ANK2: variants seen among roughly 807,000 people sequenced by gnomAD.
ANK2 encodes ankyrin-2.
ANK2 carries 83 observed loss-of-function variants against 360.5 expected under a neutral mutation model. That is an observed-to-expected ratio of 0.23 (90% CI 0.19 to 0.28). The LOEUF (loss-of-function observed/expected upper bound fraction) is 0.28, where lower values mean the gene tolerates loss of function less well. ANK2 is among the 10% of genes least tolerant of loss of function. ANK2 has a pLI of 1.00. For synonymous variants in ANK2, 1,740 were observed against 1,759.5 expected (o/e 0.99, Z 0.28); for missense variants, 4,201 against 4,795.7 (o/e 0.88, Z 3.66).
intron 1 of ANK2, among the ~76,000 whole-genome samples, chr4:113,081,355 C>G (rs888695747): frequency 1.3e-5 from 2 of 152,142 alleles, no homozygotes; most frequent in Non-Finnish European, 2.9e-5. Context: ...TCATTCCAGT[C>G]TAACTGTCTT....
intron 45 of ANK2, among the ~76,000 whole-genome samples, chr4:113,377,621 A>G (rs1192163887): frequency 1.3e-5 from 2 of 152,316 alleles, no homozygotes; most frequent in East Asian, 3.9e-4. Flanking sequence ...CCCATAATAT[A>G]TATTGAAATT....
intron 1 of ANK2, among the ~76,000 whole-genome samples, chr4:113,080,969 A>G (rs541821705): frequency 6.6e-6 from 1 of 152,246 alleles, no homozygotes; most frequent in Non-Finnish European, 1.5e-5. Context: ...TCACAAGTGC[A>G]TTGAGACTAC....
intron 22 of ANK2, 106 bp from the exon 23 acceptor site, chr4:113,302,661 C>A: frequency 1.2e-6 from 1 of 864,278 alleles, no homozygotes; most frequent in Non-Finnish European, 1.9e-6. Flanking sequence ...GTAGTCATGG[C>A]TCGATGGCTT....
intron 22 of ANK2, among the ~76,000 whole-genome samples, chr4:113,297,056 A>G (rs1010075755): frequency 1.3e-5 from 2 of 152,320 alleles, no homozygotes; most frequent in South Asian, 2.1e-4. Context: ...ACCTGATGCC[A>G]TAAGTCAGTT....
At chr4:113,030,517 C>A (rs1218681955) in intron 2 of ANK2, among the ~76,000 whole-genome samples, 1 of 151,918 alleles carries the variant, frequency 6.6e-6, no homozygotes, top group Non-Finnish European at 1.5e-5. Context: ...GTTTTAAAAG[C>A]AGAGAATAAA....
intron 1 of ANK2, among the ~76,000 whole-genome samples, chr4:112,849,898 A>G (rs2064242133): frequency 6.6e-6 from 1 of 152,218 alleles, no homozygotes; most frequent in Non-Finnish European, 1.5e-5. Context: ...AGTAAAGAAG[A>G]TCTGCCCTCA....
chr4:113,228,708 T>A (rs1490713366), intron 4 of ANK2, among the ~76,000 whole-genome samples: 1 of 152,018 alleles, frequency 6.6e-6, no homozygotes, highest in East Asian at 1.9e-4. Flanking sequence ...TACCCAGTAG[T>A]CTCCCTTGAT....
chr4:113,228,170 A>AT (rs1460238831), intron 4 of ANK2, among the ~76,000 whole-genome samples: 2 of 151,976 alleles, frequency 1.3e-5, no homozygotes, highest in Non-Finnish European at 2.9e-5. Flanking sequence ...TTCTTCCTTG[A>AT]TTTTTTTTGT....
chr4:113,259,983 C>T (rs1432729300), intron 13 of ANK2, among the ~76,000 whole-genome samples: 4 of 152,070 alleles, frequency 2.6e-5, no homozygotes, highest in Non-Finnish European at 5.9e-5. Context: ...TTCTTATTTG[C>T]ATTCCAATGC....
chr4:113,258,476 G>C, intron 13 of ANK2, 65 bp downstream of exon 13: 2 of 1,460,762 alleles, frequency 1.4e-6, no homozygotes, highest in Non-Finnish European at 1.9e-6. Flanking sequence ...GATTGTGGGT[G>C]TGTGTATGTG....
At chr4:113,192,458 C>A (rs1288684762) in intron 2 of ANK2, among the ~76,000 whole-genome samples, 2 of 152,138 alleles carry the variant, frequency 1.3e-5, no homozygotes, top group African/African-American at 4.8e-5. Context: ...ATGATTTGAA[C>A]CATGCTGATT....
intron 43 of ANK2, among the ~76,000 whole-genome samples, chr4:113,370,486 G>A (rs535533746): frequency 3.3e-5 from 5 of 152,190 alleles, no homozygotes; most frequent in African/African-American, 9.6e-5. Context: ...TTGGCCAGGC[G>A]CGGTGGCTCA....
chr4:112,707,224 A>G, the ANK2 span, among the ~76,000 whole-genome samples: 1 of 152,222 alleles, frequency 6.6e-6, no homozygotes, highest in East Asian at 1.9e-4. Context: ...GGAAATTTTG[A>G]AAAATAAAGG....
chr4:112,813,551 A>ATTTATTTATTTT (rs56052814), upstream of ANK2, among the ~76,000 whole-genome samples: 4 of 142,822 alleles, frequency 2.8e-5, no homozygotes, highest in African/African-American at 8.1e-5. Context: ...TTATTTATTT[A>ATTTATTTATTTT]TTGAGACAGG....
intron 1 of ANK2, among the ~76,000 whole-genome samples, chr4:113,075,539 G>A (rs1005896087): frequency 3.3e-5 from 5 of 151,988 alleles, no homozygotes; most frequent in African/African-American, 4.8e-5. Context: ...CACTGGTTTC[G>A]GTGGCATGTG....
In ANK2 at chr4:113,274,639, T is replaced by C. The variant is rs139199018; in HGVS notation, c.1673T>C (p.Leu558Ser). Residue 558 changes from leucine (L) to serine (S), a missense_variant, in exon 15 of 46, where the codon TTA (leucine) becomes TCA (serine). Leu to Ser is a moderately radical substitution (Grantham distance 145). Transcript: ENST00000357077. ...TTGGAAGCAGGAGCAGCCCACTCCTTAGCTACCAAGGTAAGGAGAATGACA... is the reference window on the plus strand; with the variant it reads ...TTGGAAGCAGGAGCAGCCCACTCCTCAGCTACCAAGGTAAGGAGAATGACA... ...VLLEAGAAHS[L>S]ATKKGFTPLH... The C allele has an allele frequency of 2.1e-5, 34 of 1,614,006 alleles. No homozygotes were observed. The African/African-American group carries it at 4.4e-4, about 21-fold the overall frequency.
At chr4:112,940,190 A>G (rs2094102394) in intron 2 of ANK2, among the ~76,000 whole-genome samples, 1 of 152,224 alleles carries the variant, frequency 6.6e-6, no homozygotes, top group Non-Finnish European at 1.5e-5. Context: ...AGAAAAACAC[A>G]ATTACAGGCA....
chr4:113,029,739 C>T (rs1301054450), intron 2 of ANK2, among the ~76,000 whole-genome samples: 1 of 152,062 alleles, frequency 6.6e-6, no homozygotes, highest in African/African-American at 2.4e-5. Flanking sequence ...TGCTTGCTCT[C>T]TGTCCATCCA....
At position 113,110,965 on chromosome 4, in the gene ANK2, TAAG is replaced by T. The variant is rs2094226837; in HGVS notation, c.84+61156_84+61158del. The stretch of plus-strand genomic sequence containing the variant: ...TTTTTCTATTGTTAATTTTGAAAAA[TAAG>T]AAAATATTTTTGCTAATTATTTACT... On this transcript the variant is annotated intron_variant, in intron 1 of 45. Transcript: ENST00000357077. Among the ~76,000 whole-genome samples, 3 of 152,272 alleles carry T rather than the reference TAAG, an allele frequency of 2.0e-5. No homozygotes were observed. In the South Asian group the frequency reaches 6.2e-4, roughly 32 times the overall value.
Sources: gnomAD v4.1 joint callset for allele counts (sites outside exome capture counted in the v4.1 genomes callset) on GRCh38, gnomAD v4.1.1 for gene constraint, MANE v1.5 for transcripts, NCBI Gene and HGNC (gene_info 2026-07-23, HGNC 2026-07-21) for gene names.